The following CIB3 variants were observed in gnomAD, a reference collection of about 807,000 sequenced individuals.
CIB3 encodes the protein calcium and integrin binding family member 3, also known as calcium and integrin-binding family member 3.
A neutral mutation model predicts 23.4 loss-of-function variants in CIB3; 22 were observed. The ratio of observed to expected loss-of-function variants is 0.94; its 90% CI spans 0.67 to 1.34. CIB3 has a LOEUF of 1.34. Ranked by LOEUF, CIB3 falls within the 40% of genes most tolerant of loss-of-function variation. The pLI is 0.00. For synonymous variants in CIB3, 93 were observed against 95.8 expected, an observed-to-expected ratio of 0.97 and a Z score of 0.17; for missense variants, 258 against 247.3, an observed-to-expected ratio of 1.04 and a Z score of -0.29.
In CIB3 at chr19:16,172,216, G is replaced by A. The variant is rs187406105; in HGVS notation, c.86+946C>T. On this transcript the variant is annotated intron_variant, in intron 2 of 5. Coordinates refer to ENST00000269878, the MANE Select transcript of CIB3 (RefSeq NM_054113.4). ...GTCACCCAGGCTGGAGCACAGTGGC[G>A]TGATCTCGGCTCACTGCAACCTCCA... 2.3e-3 allele frequency among the ~76,000 whole-genome samples: 347 copies of A among 152,310 alleles called. 2 individuals are homozygous for A. The highest frequency in any genetic ancestry group is 4.6e-3 in the Admixed American group (71 of 15,298).
intron 5 of CIB3, among the ~76,000 whole-genome samples, chr19:16,162,886 C>CTTTTTTTTTT (rs373689760): frequency 1.6e-3 from 165 of 102,442 alleles, no homozygotes; most frequent in African/African-American, 2.7e-3. Flanking sequence ...CTTTTCTTTT[C>CTTTTTTTTTT]TTTTTTTTTT....
At position 16,161,472 on chromosome 19, in the gene CIB3, C is replaced by T. The variant is rs369045596; in HGVS notation, c.557G>A (p.Arg186Gln). 1.9e-6 allele frequency: 3 copies of T among 1,613,920 alleles called. No individual in the cohort carries two copies. The highest frequency in any genetic ancestry group is 2.7e-5 in the African/African-American group (2 of 74,990). ...GGCTCCTCTGTGGTGCCATCAGATTCGGATGTGGAAGGTGCTGTGTGCAGA... is the reference window on the plus strand; with the variant it reads ...GGCTCCTCTGTGGTGCCATCAGATTTGGATGTGGAAGGTGCTGTGTGCAGA... ...APDFLSTFHI[R>Q]I Residue 186 changes from arginine to glutamine, a missense_variant, in exon 6 of 6, where the codon CGA (arginine) becomes CAA (glutamine). Physicochemically the swap from Arg to Gln is conservative, Grantham distance 43. Transcript: ENST00000269878.
chr19:16,169,988 G>A (rs2091321559), intron 2 of CIB3, among the ~76,000 whole-genome samples: 2 of 152,216 alleles, frequency 1.3e-5, no homozygotes, highest in Non-Finnish European at 2.9e-5. Flanking sequence ...TTTTAGTAGC[G>A]ACGGGGTTTC....
At chr19:16,168,308 A>G (rs1354387204) in intron 3 of CIB3, 24 bp from the exon 4 acceptor site, 1 of 1,612,644 alleles carries the variant, frequency 6.2e-7, no homozygotes, top group Non-Finnish European at 8.5e-7. Context: ...GGAAGCTGGG[A>G]GGCCATCCTC....
At position 16,164,752 on chromosome 19, in the gene CIB3, G is replaced by A; in HGVS notation, c.508C>T (p.Gln170Ter). 6.2e-7 allele frequency: 1 copy of A among 1,614,050 alleles called. No individual in the cohort carries two copies. Among genetic ancestry groups the A allele is most frequent in the Admixed American group, 1.7e-5 (1 of 59,978 alleles). Residue 170 changes from glutamine to a stop codon, truncating the protein, a stop_gained, in exon 5 of 6, where the codon CAG (glutamine) becomes TAG (stop). Transcript: ENST00000269878. LOFTEE classifies it high-confidence loss of function. ...TCTGGTGCCCGGAGGATCATGTTCT[G>A]GAAATCTTCCAGGGACAGCCGCCCA... is the stretch of plus-strand genomic sequence containing the variant. ...HDGRLSLEDF[Q>*]NMILRAPDFL... is the part of the protein sequence containing the mutation.
rs1234115440 is a variant in CIB3, at chr19:16,161,384, G to A, written c.*81C>T. ...CCCAGCAGGTGTGACTCAGTGACTT[G>A]TGTTTATTCTCAGAAACCAGAGTCC... On this transcript the variant is annotated 3_prime_UTR_variant, in exon 6 of 6. Transcript: ENST00000269878. 6 of 1,404,964 alleles carry A rather than the reference G, an allele frequency of 4.3e-6. No homozygotes were observed. The Admixed American group carries it at 8.4e-5, about 20-fold the overall frequency. The allele number at this position is 1,404,964 out of a possible 1,614,324, so 87.0% of individuals were successfully genotyped here. A position where few individuals can be genotyped will look rare whatever the true frequency, so the allele number is the denominator to read the frequency against.
In CIB3 at chr19:16,164,770, G is replaced by A; in HGVS notation, c.490C>T (p.Leu164=). The part of the protein sequence containing the change: ...DEADGDHDGR[L]SLEDFQNMIL... ...ATGTTCTGGAAATCTTCCAGGGACA[G>A]CCGCCCATCATGGTCTCCATCAGCC... Residue 164 remains leucine, a synonymous_variant, in exon 5 of 6, where the codon CTG becomes TTG. Transcript: ENST00000269878. The A allele has an allele frequency of 4.3e-6, 7 of 1,614,086 alleles. No individual in the cohort carries two copies. The highest frequency in any genetic ancestry group is 5.1e-6 in the Non-Finnish European group (6 of 1,180,004).
chr19:16,162,614 C>T (rs753131853), intron 5 of CIB3, among the ~76,000 whole-genome samples: 2 of 151,744 alleles, frequency 1.3e-5, no homozygotes, highest in Non-Finnish European at 2.9e-5. Flanking sequence ...ATTAACCGGG[C>T]GTGGTGGCGG....
At chr19:16,164,987 C>A in intron 4 of CIB3, 74 bp from the exon 5 acceptor site, 1 of 1,316,484 alleles carries the variant, frequency 7.6e-7, no homozygotes, top group Non-Finnish European at 1.1e-6. Context: ...CATACTGTGC[C>A]CATGTTACAA....
intron 2 of CIB3, among the ~76,000 whole-genome samples, chr19:16,170,561 C>G (rs2145085182): frequency 6.6e-6 from 1 of 152,338 alleles, no homozygotes; most frequent in East Asian, 1.9e-4. Flanking sequence ...CGGCTCATGC[C>G]TGTAATCCCA....
Position 16,168,272 on chromosome 19 carries a change from G to C in CIB3, c.211C>G (p.Arg71Gly). 1 of 1,613,810 alleles carries C rather than the reference G, an allele frequency of 6.2e-7. No homozygotes were observed. The highest frequency in any genetic ancestry group is 8.5e-7 in the Non-Finnish European group (1 of 1,179,916). Reference protein sequence around the residue: ...SMPELKDNPFRQRIAQVFSED... With the variant: ...SMPELKDNPFGQRIAQVFSED... ...GAGAATACCTGGGCAATCCTCTGGC[G>C]GAAGGGGTTGTCCTGGGGACAGAAA... Residue 71 changes from arginine to glycine, a missense_variant, in exon 4 of 6, where the codon CGC becomes GGC. By Grantham distance (125) the Arg-to-Gly change is moderately radical. Coordinates refer to ENST00000269878, the MANE Select transcript of CIB3 (RefSeq NM_054113.4).
intron 5 of CIB3, among the ~76,000 whole-genome samples, chr19:16,162,886 CTTTTTTTT>C (rs373689760): frequency 2.5e-3 from 257 of 102,426 alleles, no homozygotes; most frequent in East Asian, 6.5e-3. Context: ...CTTTTCTTTT[CTTTTTTTT>C]TTTTTTTTTT....
intron 4 of CIB3, among the ~76,000 whole-genome samples, chr19:16,167,775 T>G (rs1370297883): frequency 2.0e-5 from 3 of 152,026 alleles, no homozygotes; most frequent in African/African-American, 7.2e-5. Context: ...GAGACTGCAG[T>G]AAGCCAAGAT....
intron 2 of CIB3, among the ~76,000 whole-genome samples, chr19:16,170,543 G>A (rs1028067444): frequency 3.3e-5 from 5 of 152,282 alleles, no homozygotes; most frequent in East Asian, 3.9e-4. Context: ...GGAAGAGGCC[G>A]GATGCAGCGG....
intron 2 of CIB3, 115 bp downstream of exon 2, chr19:16,173,041 TACACAC>T (rs3076227): frequency 0.072 from 56,279 of 781,740 alleles, 904 homozygotes; most frequent in African/African-American, 0.087. Context: ...AAAGACTACT[TACACAC>T]ACACACACAC....
intron 2 of CIB3, among the ~76,000 whole-genome samples, chr19:16,170,996 G>A (rs1392755164): frequency 6.6e-6 from 1 of 151,936 alleles, no homozygotes; most frequent in East Asian, 1.9e-4. Flanking sequence ...AATTTAGCCA[G>A]GCGTGGTGGT....
chr19:16,168,090 T>TCCCCAC, intron 4 of CIB3, 47 bp downstream of exon 4: 1 of 777,238 alleles, frequency 1.3e-6, no homozygotes, highest in Non-Finnish European at 2.1e-6. Flanking sequence ...CAGTTCCCAC[T>TCCCCAC]CCCCACCCCA....
At chr19:16,167,002 G>A (rs964207099) in intron 4 of CIB3, among the ~76,000 whole-genome samples, 1 of 152,144 alleles carries the variant, frequency 6.6e-6, no homozygotes. Context: ...GATCACCTGA[G>A]GTCAGGAGTT....
intron 4 of CIB3, among the ~76,000 whole-genome samples, chr19:16,165,917 C>G (rs1301311227): frequency 6.6e-6 from 1 of 152,178 alleles, no homozygotes; most frequent in Non-Finnish European, 1.5e-5. Context: ...AATTTTCATT[C>G]ATTCACTCAC....
Sources: allele counts gnomAD v4.1 joint callset (sites outside exome capture counted in the v4.1 genomes callset), GRCh38; gene constraint gnomAD v4.1.1; transcripts MANE v1.5; gene names NCBI Gene and HGNC (gene_info 2026-07-23, HGNC 2026-07-21).